TRAPPC9: variants seen among roughly 807,000 people sequenced by gnomAD.
TRAPPC9 encodes the protein trafficking protein particle complex subunit 9.
A neutral mutation model predicts 124.0 loss-of-function variants in TRAPPC9; 83 were observed. That is an observed-to-expected ratio of 0.67 (90% confidence interval 0.56 to 0.80). The LOEUF (loss-of-function observed/expected upper bound fraction) is 0.80, where lower values mean the gene tolerates loss of function less well. Among genes scored for constraint, TRAPPC9 ranks in the 30% least tolerant of loss-of-function variants. The probability of loss-of-function intolerance (pLI) is 0.00; values close to 1 mark genes in which losing one functional copy is unlikely to be tolerated. For synonymous variants in TRAPPC9, 638 were observed against 617.5 expected (o/e 1.03, Z -0.49); for missense variants, 1,302 against 1,508.3 (o/e 0.86, Z 2.27).
intron 16 of TRAPPC9, among the ~76,000 whole-genome samples, chr8:140,224,727 A>G (rs1448446815): frequency 6.6e-6 from 1 of 152,110 alleles, no homozygotes; most frequent in Non-Finnish European, 1.5e-5. Flanking sequence ...TCCCTCTGAC[A>G]ATCTGATATC....
intron 17 of TRAPPC9, among the ~76,000 whole-genome samples, chr8:140,191,519 G>A (rs1300462906): frequency 6.6e-6 from 1 of 152,098 alleles, no homozygotes; most frequent in Non-Finnish European, 1.5e-5. Flanking sequence ...TTCAAAGTGT[G>A]TGGCACCTCC....
At chr8:140,163,837 GA>G (rs965175814) in intron 17 of TRAPPC9, among the ~76,000 whole-genome samples, 22 of 152,166 alleles carry the variant, frequency 1.4e-4, no homozygotes, top group Admixed American at 7.9e-4. Context: ...CCAGGAGCAA[GA>G]AGAGAGTTGT....
At chr8:139,859,258 T>A (rs1189606158) in intron 21 of TRAPPC9, among the ~76,000 whole-genome samples, 3 of 152,028 alleles carry the variant, frequency 2.0e-5, no homozygotes, top group African/African-American at 7.3e-5. Context: ...CCTGGACTCC[T>A]GGCTCGCAGC....
chr8:140,266,778 T>A (rs1463266645), intron 15 of TRAPPC9, among the ~76,000 whole-genome samples: 1 of 150,370 alleles, frequency 6.7e-6, no homozygotes, highest in African/African-American at 2.5e-5. Flanking sequence ...GAGAATGGTG[T>A]GAACCCGGGA....
intron 19 of TRAPPC9, among the ~76,000 whole-genome samples, chr8:139,945,010 G>C (rs1834120027): frequency 6.6e-6 from 1 of 152,164 alleles, no homozygotes; most frequent in Non-Finnish European, 1.5e-5. Flanking sequence ...TGTAAAGCCA[G>C]CTACACAGGA....
chr8:140,066,613 C>A (rs1437384125), intron 17 of TRAPPC9, among the ~76,000 whole-genome samples: 1 of 152,174 alleles, frequency 6.6e-6, no homozygotes, highest in East Asian at 1.9e-4. Context: ...TTTGTAAATA[C>A]GTCAATGTAA....
At chr8:139,962,592 G>C (rs1835416062) in intron 19 of TRAPPC9, among the ~76,000 whole-genome samples, 1 of 123,892 alleles carries the variant, frequency 8.1e-6, no homozygotes, top group African/African-American at 2.6e-5. Flanking sequence ...GTTGGACCTT[G>C]ACATGGTGCC....
At chr8:139,802,925 G>C (rs1563825357) in intron 21 of TRAPPC9, among the ~76,000 whole-genome samples, 1 of 152,092 alleles carries the variant, frequency 6.6e-6, no homozygotes, top group Non-Finnish European at 1.5e-5. Flanking sequence ...TGTGTTGTGT[G>C]CCTCCATGTG....
At chr8:140,307,483 A>G (rs1392754976) in intron 10 of TRAPPC9, among the ~76,000 whole-genome samples, 4 of 152,316 alleles carry the variant, frequency 2.6e-5, no homozygotes, top group Non-Finnish European at 5.9e-5. Context: ...TGGGGGCTAC[A>G]AAGACAAAGA....
chr8:140,124,540 A>C (rs996953304), intron 17 of TRAPPC9, among the ~76,000 whole-genome samples: 7 of 147,190 alleles, frequency 4.8e-5, no homozygotes, highest in South Asian at 2.2e-4. Context: ...ACAAGGTCTG[A>C]GCATCGGGAC....
rs539068512 is a variant in TRAPPC9 at position 140,443,408 on chromosome 8, C to T, written c.585-4211G>A. On this transcript the variant is annotated intron_variant, in intron 2 of 22. Transcript: ENST00000438773. ...CCAAGATCGCGCCACTGCACTCCAGCGTGGGCGACAGAGCAAGACTCCATC... is the reference window on the plus strand; with the variant it reads ...CCAAGATCGCGCCACTGCACTCCAGTGTGGGCGACAGAGCAAGACTCCATC... Among the ~76,000 whole-genome samples, 5 of 150,328 alleles carry T rather than the reference C, an allele frequency of 3.3e-5. No individual in the cohort carries two copies. In the East Asian group the frequency reaches 9.8e-4, roughly 29 times the overall value.
chr8:139,936,343 T>A (rs755048526), intron 19 of TRAPPC9, among the ~76,000 whole-genome samples: 15 of 152,234 alleles, frequency 9.9e-5, no homozygotes, highest in South Asian at 2.1e-4. Flanking sequence ...GAGTGCCAGC[T>A]CTGCCAGGAG....
At chr8:140,132,867 G>A (rs796602189) in intron 17 of TRAPPC9, among the ~76,000 whole-genome samples, 10 of 152,296 alleles carry the variant, frequency 6.6e-5, no homozygotes, top group African/African-American at 2.4e-4. Context: ...CTAAGGCTTG[G>A]CAGCACGCAA....
intron 9 of TRAPPC9, among the ~76,000 whole-genome samples, chr8:140,330,387 A>G (rs1202766723): frequency 6.6e-6 from 1 of 152,214 alleles, no homozygotes; most frequent in Non-Finnish European, 1.5e-5. Flanking sequence ...ACAAGAAAAC[A>G]AGGCATTTCC....
intron 5 of TRAPPC9, among the ~76,000 whole-genome samples, chr8:140,415,852 C>T (rs2069910686): frequency 6.6e-6 from 1 of 151,984 alleles, no homozygotes; most frequent in Admixed American, 6.6e-5. Context: ...GAAGTCCTAG[C>T]TACTCAGAGG....
chr8:139,819,179 G>C (rs1825075815), intron 21 of TRAPPC9, among the ~76,000 whole-genome samples: 2 of 152,176 alleles, frequency 1.3e-5, no homozygotes, highest in South Asian at 4.1e-4. Context: ...ACATGTGATG[G>C]ATCTAGGCTG....
chr8:140,183,987 G>A (rs1417497271), intron 17 of TRAPPC9, among the ~76,000 whole-genome samples: 2 of 131,046 alleles, frequency 1.5e-5, no homozygotes, highest in Non-Finnish European at 3.3e-5. Flanking sequence ...GAGGAGGGAG[G>A]AGGGAGGAGG....
chr8:140,349,963 T>C (rs550832628), intron 9 of TRAPPC9, among the ~76,000 whole-genome samples: 1 of 152,296 alleles, frequency 6.6e-6, no homozygotes, highest in South Asian at 2.1e-4. Context: ...TCTAAGTGAG[T>C]AACCAAGCCT....
chr8:140,204,790 C>T (rs2062883158), intron 17 of TRAPPC9, among the ~76,000 whole-genome samples: 2 of 152,196 alleles, frequency 1.3e-5, no homozygotes, highest in South Asian at 2.1e-4. Flanking sequence ...GCCAGTTAAA[C>T]CTCTTTTCTT....
Sources: allele counts gnomAD v4.1 joint callset (sites outside exome capture counted in the v4.1 genomes callset), GRCh38; gene constraint gnomAD v4.1.1; transcripts MANE v1.5; gene names NCBI Gene and HGNC (gene_info 2026-07-23, HGNC 2026-07-21).